Variants in EVI5 observed in about 807,000 individuals in gnomAD.
EVI5 encodes ecotropic viral integration site 5 protein homolog.
In EVI5, 73 loss-of-function variants were observed where a neutral mutation model predicts 112.0. The observed-to-expected ratio is 0.65, with a 90% CI of 0.54 to 0.79. The LOEUF is 0.79. EVI5 is among the 30% of genes least tolerant of loss of function. The pLI is 0.00. For synonymous variants in EVI5, 305 were observed against 319.9 expected, an observed-to-expected ratio of 0.95 and a Z score of 0.50; for missense variants, 900 against 968.8, an observed-to-expected ratio of 0.93 and a Z score of 0.94.
upstream of EVI5, among the ~76,000 whole-genome samples, chr1:92,786,154 T>G (rs889235336): frequency 6.6e-6 from 1 of 151,074 alleles, no homozygotes; most frequent in African/African-American, 2.4e-5. Context: ...ATTATTTGTC[T>G]AGAAATTAGT....
Position 92,563,749 on chromosome 1 carries a change from C to A in EVI5, c.2071-12G>T. 1.3e-6 allele frequency: 2 copies of A among 1,567,958 alleles called. No individual in the cohort carries two copies. The highest frequency in any genetic ancestry group is 1.7e-6 in the Non-Finnish European group (2 of 1,143,520). On this transcript the variant is annotated splice_polypyrimidine_tract_variant and intron_variant, in intron 18 of 19. Transcript: ENST00000684568. ...TTTCCTTCTTCTTTCTGTTTTGTGA[C>A]AAAACAACAAAGCAAAAACAAGAGG...
At chr1:92,759,626 T>G (rs1343966479) in intron 1 of EVI5, among the ~76,000 whole-genome samples, 1 of 152,202 alleles carries the variant, frequency 6.6e-6, no homozygotes, top group Admixed American at 6.5e-5. Context: ...TTCCCTTTCT[T>G]GCATCCCTGG....
At chr1:92,789,468 A>G (rs1408845564), upstream of EVI5, among the ~76,000 whole-genome samples, 2 of 151,880 alleles carry the variant, frequency 1.3e-5, no homozygotes, top group Non-Finnish European at 2.9e-5. Flanking sequence ...ACACCTGGCT[A>G]ATTTTTTGTA....
At chr1:92,650,109 T>A (rs1251584137) in intron 13 of EVI5, among the ~76,000 whole-genome samples, 1 of 152,348 alleles carries the variant, frequency 6.6e-6, no homozygotes, top group Non-Finnish European at 1.5e-5. Context: ...AATCAGAAAG[T>A]GTGAGTCCTC....
At chr1:92,522,008 T>C (rs1449425796) in intron 19 of EVI5, among the ~76,000 whole-genome samples, 2 of 152,248 alleles carry the variant, frequency 1.3e-5, no homozygotes, top group South Asian at 2.1e-4. Flanking sequence ...AAAAATGGAT[T>C]GGTCATTACA....
chr1:92,603,730 TAATA>T (rs1649713923), intron 18 of EVI5, among the ~76,000 whole-genome samples: 1 of 151,842 alleles, frequency 6.6e-6, no homozygotes, highest in Non-Finnish European at 1.5e-5. Context: ...TTTTAATTTT[TAATA>T]AATATATTTT....
At chr1:92,701,501 A>C (rs1299643395) in intron 5 of EVI5, among the ~76,000 whole-genome samples, 1 of 152,216 alleles carries the variant, frequency 6.6e-6, no homozygotes, top group Non-Finnish European at 1.5e-5. Context: ...TTTCAGGACT[A>C]AAATCTGAGA....
chr1:92,663,893 G>A lies in EVI5; in HGVS notation c.1213-441C>T, dbSNP rs750820249. 3.0e-4 allele frequency among the ~76,000 whole-genome samples: 45 copies of A among 152,176 alleles called. 1 individual carries two copies. Among genetic ancestry groups the A allele is most frequent in the Non-Finnish European group, 1.9e-4 (13 of 68,036 alleles). On this transcript the variant is annotated intron_variant, in intron 11 of 19. Coordinates refer to ENST00000684568, the MANE Select transcript of EVI5 (RefSeq NM_001350197.2). ...CTCCTGAGCAGCTAGGACTACAGGT[G>A]TGTGCCACCACATGTAGCTAGTTTT...
At chr1:92,589,782 C>A (rs538380696) in intron 18 of EVI5, among the ~76,000 whole-genome samples, 1 of 152,170 alleles carries the variant, frequency 6.6e-6, no homozygotes, top group Non-Finnish European at 1.5e-5. Flanking sequence ...TCTCCCAGCA[C>A]GCAGCTTGAG....
intron 1 of EVI5, among the ~76,000 whole-genome samples, chr1:92,764,065 A>T (rs546280107): frequency 3.9e-5 from 6 of 152,248 alleles, no homozygotes; most frequent in Admixed American, 2.6e-4. Context: ...TTTGTGGTTA[A>T]TTTTTTTATA....
chr1:92,650,310 C>T (rs977885214), intron 13 of EVI5, among the ~76,000 whole-genome samples: 1 of 152,082 alleles, frequency 6.6e-6, no homozygotes, highest in Non-Finnish European at 1.5e-5. Flanking sequence ...TATACAAATA[C>T]GAGATAGATT....
chr1:92,785,096 G>T lies in EVI5; in HGVS notation c.-342C>A. 5.1e-6 allele frequency: 5 copies of T among 985,534 alleles called. No homozygotes were observed. The highest frequency in any genetic ancestry group is 6.0e-6 in the Non-Finnish European group (5 of 830,036). 61.0% of individuals were successfully genotyped at this position (985,534 alleles called of 1,614,324 possible). A position where few individuals can be genotyped will look rare whatever the true frequency, so the allele number is the denominator to read the frequency against. On this transcript the variant is annotated 5_prime_UTR_variant, in exon 1 of 20. Transcript: ENST00000684568. ...TTCCTCCGGGGTCCGGCCCGGCCGC[G>T]TCAGGAGAGCCCAAGGCGCAGGCGC...
chr1:92,707,560 T>C (rs1672212821), intron 2 of EVI5, among the ~76,000 whole-genome samples: 1 of 152,230 alleles, frequency 6.6e-6, no homozygotes, highest in Non-Finnish European at 1.5e-5. Flanking sequence ...TGAAAAATGT[T>C]AGCATCTTTA....
chr1:92,621,605 C>T (rs1654612150), intron 16 of EVI5, among the ~76,000 whole-genome samples: 1 of 152,274 alleles, frequency 6.6e-6, no homozygotes, highest in South Asian at 2.1e-4. Flanking sequence ...TGAGCTACTG[C>T]ACCCAGCCAG....
chr1:92,666,023 G>T, intron 10 of EVI5, 31 bp from the exon 11 acceptor site: 1 of 1,449,436 alleles, frequency 6.9e-7, no homozygotes, highest in Non-Finnish European at 9.5e-7. Context: ...TTATTTGCAA[G>T]CATTTTTGAG....
intron 19 of EVI5, among the ~76,000 whole-genome samples, chr1:92,519,619 G>A (rs974977231): frequency 6.6e-6 from 1 of 152,254 alleles, no homozygotes; most frequent in Non-Finnish European, 1.5e-5. Flanking sequence ...TTGGCCGGGT[G>A]CAGTGGCTCA....
At position 92,539,387 on chromosome 1, in the gene EVI5, T is replaced by C. The variant is rs961638154; in HGVS notation, c.2166+24255A>G. 4.6e-5 allele frequency among the ~76,000 whole-genome samples: 7 copies of C among 151,682 alleles called. 1 individual carries two copies. The South Asian group carries it at 1.5e-3, about 32-fold the overall frequency. On this transcript the variant is annotated intron_variant, in intron 19 of 19. Transcript: ENST00000684568. ...TGAAACCCCGTCTCTACTAAAAATA[T>C]AAAAAATTAGCCGGGTGTAGTGGCG...
rs186342703 is a variant in EVI5 at position 92,547,580 on chromosome 1, C to T, written c.2166+16062G>A. On this transcript the variant is annotated intron_variant, in intron 19 of 19. Coordinates refer to ENST00000684568, the MANE Select transcript of EVI5 (RefSeq NM_001350197.2). ...CAGGAGCTGTTTTTGAAAGGATCAA[C>T]AAAATAGATAGACCGCTAGCAAGAC... Among the ~76,000 whole-genome samples, 873 of 152,060 alleles carry T rather than the reference C, an allele frequency of 5.7e-3. 7 individuals carry two copies. The highest frequency in any genetic ancestry group is 9.5e-3 in the Non-Finnish European group (646 of 67,980).
intron 19 of EVI5, among the ~76,000 whole-genome samples, chr1:92,551,807 C>T (rs1350842040): frequency 2.0e-5 from 3 of 151,934 alleles, no homozygotes; most frequent in African/African-American, 4.9e-5. Context: ...AAACCTGTCA[C>T]TACAGGCTTG....
Sources: gnomAD v4.1 joint callset for allele counts (sites outside exome capture counted in the v4.1 genomes callset) on GRCh38, gnomAD v4.1.1 for gene constraint, MANE v1.5 for transcripts, NCBI Gene and HGNC (gene_info 2026-07-23, HGNC 2026-07-21) for gene names.